COLEC11: variants seen among roughly 807,000 people sequenced by gnomAD.
COLEC11 encodes collectin-11.
Under a neutral mutation model 27.3 loss-of-function variants are expected in COLEC11, and 20 were observed. The ratio of observed to expected loss-of-function variants is 0.73; its 90% CI spans 0.51 to 1.06. The LOEUF (loss-of-function observed/expected upper bound fraction) is 1.06. COLEC11 is among the 50% of genes least tolerant of loss of function. COLEC11 has a pLI of 0.00. For missense variants in COLEC11, 310 were observed against 383.0 expected (o/e 0.81, Z 1.59); for synonymous variants, 163 against 154.7 (o/e 1.05, Z -0.40).
intron 3 of COLEC11, among the ~76,000 whole-genome samples, chr2:3,625,214 G>A (rs1664456339): frequency 6.6e-6 from 1 of 152,168 alleles, no homozygotes; most frequent in South Asian, 2.1e-4. Flanking sequence ...AGAAGTGGCA[G>A]CAGGCTTTTT....
At chr2:3,605,340 CG>C (rs1254494460) in intron 2 of COLEC11, among the ~76,000 whole-genome samples, 1 of 4,368 alleles carries the variant, frequency 2.3e-4, no homozygotes, top group Non-Finnish European at 4.8e-4. Context: ...GAGGAGGGGG[CG>C]GGGGAGTCAC....
At chr2:3,613,254 C>G in intron 2 of COLEC11, 57 bp from the exon 3 acceptor site, 1 of 1,546,290 alleles carries the variant, frequency 6.5e-7, no homozygotes, top group Non-Finnish European at 8.8e-7. Flanking sequence ...CCACAAATCA[C>G]TCTGAGACGC....
chr2:3,596,891 CGCCTGGGTGCCCTCACCCTGT>C (rs1276587014), intron 1 of COLEC11, among the ~76,000 whole-genome samples: 4 of 152,248 alleles, frequency 2.6e-5, no homozygotes, highest in African/African-American at 9.6e-5. Context: ...CTCCTTCGGG[CGCCTGGGTGCCCTCACCCTGT>C]GCCTACCTGC....
chr2:3,599,120 A>C (rs1231143848), intron 1 of COLEC11, among the ~76,000 whole-genome samples: 1 of 152,096 alleles, frequency 6.6e-6, no homozygotes, highest in African/African-American at 2.4e-5. Flanking sequence ...CTGGTTACGC[A>C]ATGCTGGGAA....
Position 3,605,832 on chromosome 2 carries a change from G to A in COLEC11, c.130+1362G>A, listed in dbSNP as rs915034244. On this transcript the variant is annotated intron_variant, in intron 2 of 6. Transcript: ENST00000349077. Reference sequence around the variant, plus strand: ...AAGGTCAGCCCTCTCCCGGGGCACAGGGTCCGGACAGCTCGGGGCCACCCT... The same window carrying A: ...AAGGTCAGCCCTCTCCCGGGGCACAAGGTCCGGACAGCTCGGGGCCACCCT... The A allele has an allele frequency of 5.8e-5, 23 of 398,396 alleles. No homozygotes were observed. The South Asian group carries it at 6.4e-4, about 11-fold the overall frequency. 24.7% of individuals were successfully genotyped at this position (398,396 alleles called of 1,614,324 possible). A position where few individuals can be genotyped will look rare whatever the true frequency, so the allele number is the denominator to read the frequency against.
chr2:3,623,264 T>G (rs1664302790), intron 3 of COLEC11, among the ~76,000 whole-genome samples: 1 of 152,202 alleles, frequency 6.6e-6, no homozygotes. Flanking sequence ...TGTATCTTGG[T>G]GAAGTTTTCT....
At chr2:3,619,920 C>G (rs1364524579) in intron 3 of COLEC11, among the ~76,000 whole-genome samples, 1 of 152,214 alleles carries the variant, frequency 6.6e-6, no homozygotes, top group Non-Finnish European at 1.5e-5. Flanking sequence ...GCCACCGCTC[C>G]CGGCCGTGTA....
At chr2:3,596,734 A>AGGGCCCTGAGCGTCTT (rs984615523) in intron 1 of COLEC11, among the ~76,000 whole-genome samples, 3 of 152,018 alleles carry the variant, frequency 2.0e-5, no homozygotes, top group Admixed American at 6.6e-5. Flanking sequence ...CATTGATGGG[A>AGGGCCCTGAGCGTCTT]GGGCCCTGAG....
intron 3 of COLEC11, among the ~76,000 whole-genome samples, chr2:3,635,250 C>T (rs1048115809): frequency 3.9e-5 from 6 of 152,234 alleles, no homozygotes; most frequent in Non-Finnish European, 5.9e-5. Context: ...CCACACATCC[C>T]ATCACGCACG....
At chr2:3,601,027 C>T (rs546798483) in intron 1 of COLEC11, among the ~76,000 whole-genome samples, 1 of 152,316 alleles carries the variant, frequency 6.6e-6, no homozygotes, top group South Asian at 2.1e-4. Context: ...TTGGCCTTTC[C>T]ACTCCTGTGC....
Position 3,602,748 on chromosome 2 carries a change from G to A in COLEC11, c.-26-1567G>A, listed in dbSNP as rs1265178517. 1.3e-5 allele frequency among the ~76,000 whole-genome samples: 2 copies of A among 152,124 alleles called. No homozygotes were observed. The highest frequency in any genetic ancestry group is 6.5e-5 in the Admixed American group (1 of 15,274). ...GTCTCCTGTCCTCTGTGCCCACCAG[G>A]CCAGCCCACCTCTCCCCGCACTGTC... is the stretch of plus-strand genomic sequence containing the variant. On this transcript the variant is annotated intron_variant, in intron 1 of 6. Transcript: ENST00000349077. The surrounding 1 kb of genome is among the most constrained non-coding windows in gnomAD (Gnocchi z 6.2).
At chr2:3,638,099 G>T (rs1665563099) in intron 4 of COLEC11, among the ~76,000 whole-genome samples, 1 of 152,244 alleles carries the variant, frequency 6.6e-6, no homozygotes, top group African/African-American at 2.4e-5. Context: ...CCTGGGCTCA[G>T]TCTGCACCTG....
Position 3,644,539 on chromosome 2 carries a change from T to C in COLEC11, c.*421T>C, listed in dbSNP as rs983462773. Reference sequence around the variant, plus strand: ...CACTTTGACCAACACTTCTGTAAATTACATTACAATATAGGTTCCTTCACA... The same window carrying C: ...CACTTTGACCAACACTTCTGTAAATCACATTACAATATAGGTTCCTTCACA... On this transcript the variant is annotated 3_prime_UTR_variant, in exon 7 of 7. Coordinates refer to ENST00000349077, the MANE Select transcript of COLEC11 (RefSeq NM_024027.5). 2.2e-6 allele frequency: 1 copy of C among 450,944 alleles called. No individual in the cohort carries two copies. 27.9% of individuals were successfully genotyped at this position (450,944 alleles called of 1,614,324 possible).
chr2:3,609,347 CTTTGATTTT>C (rs1558492401), intron 2 of COLEC11, among the ~76,000 whole-genome samples: 4 of 71,018 alleles, frequency 5.6e-5, no homozygotes, highest in East Asian at 5.0e-4. Flanking sequence ...AACTATTTTT[CTTTGATTTT>C]TTTTTTTTTT....
At chr2:3,641,866 CG>C (rs1665892846) in intron 5 of COLEC11, among the ~76,000 whole-genome samples, 6 of 152,138 alleles carry the variant, frequency 3.9e-5, no homozygotes, top group Admixed American at 3.9e-4. Flanking sequence ...TGGGAAAAGG[CG>C]TAAAGCCCAC....
chr2:3,622,484 G>T (rs1484550419), intron 3 of COLEC11, among the ~76,000 whole-genome samples: 2 of 152,156 alleles, frequency 1.3e-5, no homozygotes, highest in African/African-American at 4.8e-5. Flanking sequence ...TTGAATGTTT[G>T]CCCCCTCCAA....
intron 3 of COLEC11, chr2:3,617,710 G>A (rs967022806): frequency 1.4e-5 from 22 of 1,581,446 alleles, no homozygotes; most frequent in East Asian, 4.5e-5. Context: ...GGAGCGAGGC[G>A]TGCGAGAACG....
chr2:3,626,939 C>T (rs1056012574), intron 3 of COLEC11, among the ~76,000 whole-genome samples: 19 of 152,172 alleles, frequency 1.2e-4, no homozygotes, highest in African/African-American at 4.6e-4. Context: ...CCCTCCACAC[C>T]CTCCCTGGAG....
At chr2:3,610,838 T>C (rs1663133629) in intron 2 of COLEC11, among the ~76,000 whole-genome samples, 1 of 152,242 alleles carries the variant, frequency 6.6e-6, no homozygotes, top group African/African-American at 2.4e-5. Flanking sequence ...TATTGCCTCA[T>C]TTTATTCTTG....
Sources: gnomAD v4.1 joint callset for allele counts (sites outside exome capture counted in the v4.1 genomes callset) on GRCh38, gnomAD v4.1.1 for gene constraint, Gnocchi (gnomAD v3.1) non-coding constraint, MANE v1.5 for transcripts, NCBI Gene and HGNC (gene_info 2026-07-23, HGNC 2026-07-21) for gene names.